KLHL29: variants seen among roughly 807,000 people sequenced by gnomAD.
The protein encoded by KLHL29 is kelch-like protein 29.
KLHL29 carries 21 observed loss-of-function variants against 80.4 expected under a neutral mutation model. The ratio of observed to expected loss-of-function variants is 0.26; its 90% confidence interval spans 0.19 to 0.38. The LOEUF (loss-of-function observed/expected upper bound fraction) is 0.38. Ranked by LOEUF, KLHL29 falls within the 10% of genes least tolerant of loss-of-function variation. KLHL29 has a pLI of 1.00. For synonymous variants in KLHL29, 511 were observed against 526.8 expected, an observed-to-expected ratio of 0.97 and a Z score of 0.41; for missense variants, 867 against 1,223.9, an observed-to-expected ratio of 0.71 and a Z score of 4.35.
At chr2:23,605,904 G>A (rs1668709486) in intron 3 of KLHL29, among the ~76,000 whole-genome samples, 1 of 151,938 alleles carries the variant, frequency 6.6e-6, no homozygotes, top group South Asian at 2.1e-4. Context: ...CAAGTAGCTG[G>A]GATTTTAGGC....
chr2:23,655,884 C>T (rs1258341516), intron 5 of KLHL29, among the ~76,000 whole-genome samples: 1 of 152,170 alleles, frequency 6.6e-6, no homozygotes, highest in Non-Finnish European at 1.5e-5. Context: ...TGACTGCAGC[C>T]TGAACGGGAA....
At chr2:23,604,830 G>A (rs527735379) in intron 3 of KLHL29, among the ~76,000 whole-genome samples, 19 of 152,226 alleles carry the variant, frequency 1.2e-4, no homozygotes, top group South Asian at 8.3e-4. Flanking sequence ...GCTGCCTGTC[G>A]GCCTGAGGTC....
chr2:23,480,057 C>T (rs1047274696), intron 2 of KLHL29, among the ~76,000 whole-genome samples: 4 of 152,230 alleles, frequency 2.6e-5, no homozygotes, highest in Non-Finnish European at 5.9e-5. Flanking sequence ...TTCTGAGCCT[C>T]AGTCTTCTGA....
At chr2:23,599,564 A>G (rs573337672) in intron 3 of KLHL29, among the ~76,000 whole-genome samples, 11 of 151,668 alleles carry the variant, frequency 7.3e-5, no homozygotes, top group East Asian at 5.8e-4. Flanking sequence ...TCCTTATATG[A>G]CATGTAAATA....
chr2:23,664,396 T>C (rs1395320950), intron 5 of KLHL29, among the ~76,000 whole-genome samples: 3 of 152,196 alleles, frequency 2.0e-5, no homozygotes, highest in Non-Finnish European at 4.4e-5. Flanking sequence ...CATTGGGCTC[T>C]GGCTGGGGCT....
intron 1 of KLHL29, among the ~76,000 whole-genome samples, 193 bp downstream of exon 1, chr2:23,385,973 G>A (rs1393026448): frequency 6.6e-6 from 1 of 152,036 alleles, no homozygotes; most frequent in African/African-American, 2.4e-5. Flanking sequence ...AGGAGCCCTT[G>A]CGCCTGCGCT....
intron 1 of KLHL29, among the ~76,000 whole-genome samples, chr2:23,446,786 T>G (rs1179618211): frequency 6.6e-6 from 1 of 152,228 alleles, no homozygotes; most frequent in African/African-American, 2.4e-5. Flanking sequence ...TTTTAAATTA[T>G]GTGCATCTTT....
chr2:23,703,949 T>C, intron 13 of KLHL29, 86 bp downstream of exon 13: 1 of 1,399,568 alleles, frequency 7.1e-7, no homozygotes, highest in Non-Finnish European at 9.5e-7. Flanking sequence ...CTGCCATCAG[T>C]GACCATAGCA....
intron 1 of KLHL29, among the ~76,000 whole-genome samples, chr2:23,391,010 G>A (rs945441175): frequency 6.6e-6 from 1 of 152,134 alleles, no homozygotes; most frequent in African/African-American, 2.4e-5. Context: ...AGAACCCTTC[G>A]TCTTGCAGAA....
intron 2 of KLHL29, among the ~76,000 whole-genome samples, chr2:23,483,242 T>G (rs550983501): frequency 1.3e-5 from 2 of 152,292 alleles, no homozygotes; most frequent in East Asian, 3.9e-4. Context: ...AACCATAGGC[T>G]TCAAAGAAGA....
chr2:23,686,629 G>A (rs1001888286), intron 6 of KLHL29, among the ~76,000 whole-genome samples: 2 of 152,132 alleles, frequency 1.3e-5, no homozygotes, highest in Non-Finnish European at 2.9e-5. Flanking sequence ...GAGGAGAGCA[G>A]GTCCACAGGC....
rs775317192 is a variant in KLHL29, at chr2:23,562,139, C to T, written c.-45-13C>T. The stretch of plus-strand genomic sequence containing the variant: ...AGTCCTAAATCACCCTTCTCTCCAC[C>T]CTGTCACCACAGGTCCGGGCTCTGT... On this transcript the variant is annotated splice_polypyrimidine_tract_variant and intron_variant, in intron 2 of 13. Coordinates refer to ENST00000486442, the MANE Select transcript of KLHL29 (RefSeq NM_052920.2). This position sits in a 1 kb window ranked among gnomAD's most constrained non-coding sequence, Gnocchi z 4.5. The T allele has an allele frequency of 2.6e-5, 40 of 1,543,514 alleles. No homozygotes were observed. The South Asian group carries it at 4.5e-4, about 17-fold the overall frequency.
At chr2:23,493,631 G>A (rs1164389385) in intron 2 of KLHL29, among the ~76,000 whole-genome samples, 2 of 152,060 alleles carry the variant, frequency 1.3e-5, no homozygotes, top group African/African-American at 2.4e-5. Context: ...AGCGGGGTGG[G>A]CGTGTGTGTG....
chr2:23,523,651 C>A (rs2103471788), intron 2 of KLHL29, among the ~76,000 whole-genome samples: 1 of 152,308 alleles, frequency 6.6e-6, no homozygotes, highest in Middle Eastern at 3.4e-3. Flanking sequence ...TTCCCAGCTG[C>A]CTTTGCCATT....
intron 1 of KLHL29, among the ~76,000 whole-genome samples, chr2:23,390,865 G>A (rs976985647): frequency 1.3e-5 from 2 of 152,026 alleles, no homozygotes; most frequent in African/African-American, 4.8e-5. Context: ...TGTTGGCCAG[G>A]CTGGTCTCGA....
chr2:23,425,771 C>A (rs1314521204), intron 1 of KLHL29, among the ~76,000 whole-genome samples: 1 of 152,206 alleles, frequency 6.6e-6, no homozygotes, highest in Non-Finnish European at 1.5e-5. Flanking sequence ...TGTCACATGA[C>A]TTGGCAGAAC....
intron 5 of KLHL29, among the ~76,000 whole-genome samples, chr2:23,665,265 C>A (rs139717852): frequency 4.9e-4 from 74 of 152,344 alleles, no homozygotes; most frequent in African/African-American, 1.7e-3. Flanking sequence ...TGGATTGCCA[C>A]CAGGGGCGCA....
At chr2:23,524,825 G>T (rs1319549354) in intron 2 of KLHL29, among the ~76,000 whole-genome samples, 1 of 152,234 alleles carries the variant, frequency 6.6e-6, no homozygotes, top group Admixed American at 6.5e-5. Flanking sequence ...AGCCTCCCAG[G>T]CTTCCTGCCT....
chr2:23,559,456 G>A (rs917904202), intron 2 of KLHL29, among the ~76,000 whole-genome samples: 8 of 152,100 alleles, frequency 5.3e-5, no homozygotes, highest in African/African-American at 1.4e-4. Flanking sequence ...GCAGGCAGGC[G>A]AACTGAAATA....
Sources: allele counts gnomAD v4.1 joint callset (sites outside exome capture counted in the v4.1 genomes callset), GRCh38; gene constraint gnomAD v4.1.1; non-coding constraint Gnocchi (gnomAD v3.1); transcripts MANE v1.5; gene names NCBI Gene and HGNC (gene_info 2026-07-23, HGNC 2026-07-21).